Variants in MCF2L2 observed in about 807,000 individuals in gnomAD.
The protein encoded by MCF2L2 is probable guanine nucleotide exchange factor MCF2L2.
In MCF2L2, 102 loss-of-function variants were observed where a neutral mutation model predicts 150.2. The ratio of observed to expected loss-of-function variants is 0.68; its 90% confidence interval spans 0.58 to 0.80. The LOEUF is 0.80. MCF2L2 is among the 30% of genes least tolerant of loss of function. The pLI, the probability that MCF2L2 is intolerant of heterozygous loss-of-function variation, is 0.00. For synonymous variants in MCF2L2, 465 were observed against 491.3 expected (o/e 0.95, Z 0.71); for missense variants, 1,256 against 1,372.8 (o/e 0.91, Z 1.34).
chr3:183,203,170 G>A (rs1225674002), intron 25 of MCF2L2, among the ~76,000 whole-genome samples: 2 of 152,016 alleles, frequency 1.3e-5, no homozygotes, highest in Non-Finnish European at 2.9e-5. Context: ...CTGAGATCAT[G>A]CCATTGCACT....
At chr3:183,210,287 T>C (rs1040947298) in intron 22 of MCF2L2, among the ~76,000 whole-genome samples, 1 of 152,084 alleles carries the variant, frequency 6.6e-6, no homozygotes, top group Admixed American at 6.6e-5. Flanking sequence ...CCAGAAGGTG[T>C]AGAAGATAAA....
chr3:183,382,847 T>G (rs1014969205), intron 2 of MCF2L2, among the ~76,000 whole-genome samples: 3 of 152,212 alleles, frequency 2.0e-5, no homozygotes, highest in African/African-American at 7.2e-5. Flanking sequence ...ATAGCTGGCA[T>G]GAAGGCTTCA....
chr3:183,282,334 A>G (rs556193687), intron 14 of MCF2L2, among the ~76,000 whole-genome samples: 41 of 151,902 alleles, frequency 2.7e-4, no homozygotes, highest in Non-Finnish European at 4.0e-4. Flanking sequence ...ACCCGCCACC[A>G]CGCCCAGCTA....
At chr3:183,200,493 G>C (rs1237486029) in intron 25 of MCF2L2, among the ~76,000 whole-genome samples, 3 of 152,104 alleles carry the variant, frequency 2.0e-5, no homozygotes, top group Non-Finnish European at 2.9e-5. Flanking sequence ...TTGTAAATTT[G>C]TTTAAGTTCT....
chr3:183,389,609 T>C (rs1304122542), intron 2 of MCF2L2, 87 bp downstream of exon 2: 8 of 1,147,670 alleles, frequency 7.0e-6, no homozygotes, highest in Non-Finnish European at 9.2e-6. Flanking sequence ...GATTTGAGTA[T>C]AACATTCCTC....
intron 8 of MCF2L2, 36 bp from the exon 9 acceptor site, chr3:183,311,065 G>A: frequency 7.3e-7 from 1 of 1,372,150 alleles, no homozygotes. Context: ...TGTTAGGTTA[G>A]CATTCATTTC....
chr3:183,312,208 A>G (rs900422066), intron 7 of MCF2L2, among the ~76,000 whole-genome samples: 1 of 152,210 alleles, frequency 6.6e-6, no homozygotes, highest in African/African-American at 2.4e-5. Flanking sequence ...AGTTGGTCTC[A>G]TCAATAAACA....
In MCF2L2 at chr3:183,178,409, A is replaced by T. The variant is rs1721387815; in HGVS notation, c.*971T>A. 1 of 152,102 alleles carries T rather than the reference A, an allele frequency of 6.6e-6. No individual in the cohort carries two copies. Among genetic ancestry groups the T allele is most frequent in the Admixed American group, 6.5e-5 (1 of 15,272 alleles). The allele number at this position is 152,102 out of a possible 1,614,324, so 9.4% of individuals were successfully genotyped here. ...GGCGTGAACCCGGGAGGCGGTTTGC[A>T]GTGAGCCGAGATCACACCACTGCAC... On this transcript the variant is annotated 3_prime_UTR_variant, in exon 30 of 30. Transcript: ENST00000328913.
rs147759427 is a variant in MCF2L2, at chr3:183,328,841, C to T, written c.487-5490G>A. Among the ~76,000 whole-genome samples the T allele has an allele frequency of 1.4e-4, 21 of 152,092 alleles. No homozygotes were observed. The East Asian group carries it at 3.5e-3, about 25-fold the overall frequency. On this transcript the variant is annotated intron_variant, in intron 5 of 29. Coordinates refer to ENST00000328913, the MANE Select transcript of MCF2L2 (RefSeq NM_015078.4). ...CTCTCAAAACCCAACAATGTGAAAA[C>T]AAAAACCCAATTAAAAAAGGGCAAA...
At chr3:183,307,680 A>C (rs1729164139) in intron 10 of MCF2L2, among the ~76,000 whole-genome samples, 1 of 152,262 alleles carries the variant, frequency 6.6e-6, no homozygotes, top group Non-Finnish European at 1.5e-5. Flanking sequence ...AAGTGGGCAG[A>C]AGAAAGAATG....
chr3:183,367,627 T>C (rs930674965), intron 3 of MCF2L2, among the ~76,000 whole-genome samples: 17 of 152,108 alleles, frequency 1.1e-4, no homozygotes, highest in Admixed American at 6.5e-5. Flanking sequence ...CAACATTATA[T>C]AATAGGCAGA....
chr3:183,245,494 G>A (rs753118542), intron 15 of MCF2L2, among the ~76,000 whole-genome samples: 4 of 152,108 alleles, frequency 2.6e-5, no homozygotes, highest in South Asian at 2.1e-4. Flanking sequence ...GCCAGGCCAC[G>A]AGTGTGGATG....
intron 2 of MCF2L2, among the ~76,000 whole-genome samples, chr3:183,383,380 A>G (rs62287162): frequency 0.15 from 22,769 of 151,942 alleles, 1,839 homozygotes; most frequent in East Asian, 0.2. Flanking sequence ...GATTACAGGT[A>G]TGCACCACCA....
chr3:183,260,235 G>T (rs1229269122), intron 15 of MCF2L2, among the ~76,000 whole-genome samples: 1 of 152,152 alleles, frequency 6.6e-6, no homozygotes, highest in Non-Finnish European at 1.5e-5. Context: ...AAAGGTTGTT[G>T]TAAGGCTTAA....
chr3:183,338,947 GGAGA>G, intron 4 of MCF2L2, 28 bp from the exon 5 acceptor site: 1 of 1,584,384 alleles, frequency 6.3e-7, no homozygotes, highest in Non-Finnish European at 8.6e-7. Context: ...AGTGTCAGGA[GGAGA>G]GAGAAAAATG....
chr3:183,324,806 A>G (rs1729956319), intron 5 of MCF2L2, among the ~76,000 whole-genome samples: 1 of 152,084 alleles, frequency 6.6e-6, no homozygotes, highest in Non-Finnish European at 1.5e-5. Flanking sequence ...CTTTCAACAG[A>G]TATGTATTGA....
chr3:183,314,853 A>G (rs1729530268), intron 7 of MCF2L2, among the ~76,000 whole-genome samples: 1 of 138,040 alleles, frequency 7.2e-6, no homozygotes, highest in Non-Finnish European at 1.5e-5. Flanking sequence ...AAATAACCAC[A>G]AAAACCTACT....
chr3:183,291,847 GT>G (rs1371674422), intron 13 of MCF2L2, among the ~76,000 whole-genome samples: 1 of 152,148 alleles, frequency 6.6e-6, no homozygotes, highest in African/African-American at 2.4e-5. Context: ...ATGAAATCTT[GT>G]ATTTGAAAAG....
intron 15 of MCF2L2, among the ~76,000 whole-genome samples, chr3:183,234,687 C>CTTTTTTTT (rs71185647): frequency 4.9e-4 from 41 of 84,230 alleles, no homozygotes; most frequent in African/African-American, 1.7e-3. Context: ...ATGTATGACT[C>CTTTTTTTT]TTTTTTTTTT....
Sources: gnomAD v4.1 joint callset for allele counts (sites outside exome capture counted in the v4.1 genomes callset) on GRCh38, gnomAD v4.1.1 for gene constraint, MANE v1.5 for transcripts, NCBI Gene and HGNC (gene_info 2026-07-23, HGNC 2026-07-21) for gene names.